Variants in WDFY2 observed in about 807,000 individuals in gnomAD.
WDFY2 encodes WD repeat and FYVE domain containing 2, also known as WD repeat and FYVE domain-containing protein 2.
In WDFY2, 36 loss-of-function variants were observed where a neutral mutation model predicts 56.4. The ratio of observed to expected loss-of-function variants is 0.64; its 90% CI spans 0.49 to 0.84. The LOEUF (loss-of-function observed/expected upper bound fraction) is 0.84, where lower values mean the gene tolerates loss of function less well. WDFY2 is among the 40% of genes least tolerant of loss of function. The pLI is 0.00. For missense variants in WDFY2, 444 were observed against 512.2 expected (o/e 0.87, Z 1.29); for synonymous variants, 176 against 183.7 (o/e 0.96, Z 0.34).
intron 3 of WDFY2, among the ~76,000 whole-genome samples, chr13:51,703,092 A>G (rs1952017078): frequency 6.6e-6 from 1 of 152,236 alleles, no homozygotes. Context: ...CTACTGTGCC[A>G]AGGTACTGTG....
intron 3 of WDFY2, among the ~76,000 whole-genome samples, chr13:51,690,327 C>A (rs1956131554): frequency 6.9e-6 from 1 of 145,190 alleles, no homozygotes; most frequent in Non-Finnish European, 1.5e-5. Context: ...GTATATCTCC[C>A]AGTGCTATCC....
At chr13:51,713,655 C>G (rs1190160176) in intron 4 of WDFY2, among the ~76,000 whole-genome samples, 2 of 151,974 alleles carry the variant, frequency 1.3e-5, no homozygotes, top group African/African-American at 4.8e-5. Context: ...GGTGGATCAC[C>G]TGAGGCCAGA....
chr13:51,702,936 T>C (rs537351727), intron 3 of WDFY2, among the ~76,000 whole-genome samples: 4 of 152,330 alleles, frequency 2.6e-5, no homozygotes, highest in African/African-American at 9.6e-5. Context: ...TATACGCAGA[T>C]GCATGGGTGA....
chr13:51,659,661 G>T (rs1373919703), intron 1 of WDFY2, among the ~76,000 whole-genome samples: 1 of 152,136 alleles, frequency 6.6e-6, no homozygotes, highest in Non-Finnish European at 1.5e-5. Flanking sequence ...TTTCCTAGGT[G>T]TCTGCCTTGT....
chr13:51,745,408 G>C (rs1349582754), intron 7 of WDFY2, among the ~76,000 whole-genome samples: 1 of 152,202 alleles, frequency 6.6e-6, no homozygotes, highest in Admixed American at 6.5e-5. Context: ...AATGGAGAAT[G>C]TGAAAATGAA....
intron 1 of WDFY2, among the ~76,000 whole-genome samples, chr13:51,647,420 G>A (rs1389428224): frequency 1.3e-5 from 2 of 152,160 alleles, no homozygotes; most frequent in African/African-American, 2.4e-5. Flanking sequence ...GAGTATGTGT[G>A]TATCTAAACA....
At chr13:51,711,539 A>G (rs190421472) in intron 4 of WDFY2, among the ~76,000 whole-genome samples, 175 of 152,398 alleles carry the variant, frequency 1.1e-3, no homozygotes, top group Admixed American at 3.7e-3. Context: ...CAATCTACCC[A>G]TCTGACAAAG....
chr13:51,588,100 G>C (rs1048570405), intron 1 of WDFY2: 7 of 152,244 alleles, frequency 4.6e-5, no homozygotes, highest in African/African-American at 1.7e-4. Flanking sequence ...TTCTGTCTTT[G>C]CTTTAGTTGT....
In WDFY2 at chr13:51,756,678, G is replaced by A. The variant is rs552767568; in HGVS notation, c.1064+216G>A. ...AAATACACTCAAAGAATTCATCTCT[G>A]TGTTCTTTCTAATTTCTAGGTTATG... On this transcript the variant is annotated intron_variant, in intron 10 of 11. Coordinates refer to ENST00000298125, the MANE Select transcript of WDFY2 (RefSeq NM_052950.4). 4 of 978,792 alleles carry A rather than the reference G, an allele frequency of 4.1e-6. No homozygotes were observed. In the South Asian group the frequency reaches 1.4e-4, roughly 35 times the overall value. 60.6% of individuals were successfully genotyped at this position (978,792 alleles called of 1,614,324 possible).
intron 6 of WDFY2, among the ~76,000 whole-genome samples, chr13:51,729,710 G>A (rs1952682879): frequency 6.6e-6 from 1 of 152,120 alleles, no homozygotes; most frequent in Non-Finnish European, 1.5e-5. Flanking sequence ...ATATGCTTAT[G>A]TTTTTTGCCT....
intron 3 of WDFY2, among the ~76,000 whole-genome samples, chr13:51,689,983 T>G (rs1281850521): frequency 6.6e-6 from 1 of 152,090 alleles, no homozygotes; most frequent in African/African-American, 2.4e-5. Flanking sequence ...AGAAGCAGGA[T>G]GGGGATCTGT....
chr13:51,717,447 C>CCT (rs1952381177), intron 4 of WDFY2, among the ~76,000 whole-genome samples: 1 of 152,012 alleles, frequency 6.6e-6, no homozygotes, highest in Non-Finnish European at 1.5e-5. Flanking sequence ...GCCTCTGCCT[C>CCT]CTCTGGCACA....
chr13:51,758,357 G>T, intron 11 of WDFY2, 57 bp downstream of exon 11: 2 of 1,318,498 alleles, frequency 1.5e-6, no homozygotes, highest in Admixed American at 3.5e-5. Context: ...AAATATACAG[G>T]AGCACCAAGA....
At chr13:51,609,766 T>C (rs1460213481) in intron 1 of WDFY2, among the ~76,000 whole-genome samples, 3 of 152,100 alleles carry the variant, frequency 2.0e-5, no homozygotes, top group Non-Finnish European at 2.9e-5. Context: ...ATTGCCTTAA[T>C]GTACTGAGAT....
At chr13:51,687,145 TAGAG>T (rs1308984520) in intron 3 of WDFY2, among the ~76,000 whole-genome samples, 1 of 150,630 alleles carries the variant, frequency 6.6e-6, no homozygotes, top group Non-Finnish European at 1.5e-5. Context: ...AGTATATTAA[TAGAG>T]AGCTATTATG....
chr13:51,649,987 G>C (rs948046230), intron 1 of WDFY2, among the ~76,000 whole-genome samples: 6 of 152,092 alleles, frequency 3.9e-5, no homozygotes, highest in Admixed American at 3.9e-4. Flanking sequence ...GGATGGCATT[G>C]AATCTATAAA....
At chr13:51,694,093 G>A (rs946442184) in intron 3 of WDFY2, among the ~76,000 whole-genome samples, 10 of 152,004 alleles carry the variant, frequency 6.6e-5, no homozygotes, top group Non-Finnish European at 1.0e-4. Flanking sequence ...ACGTGAGATG[G>A]GTTTCCTGAA....
intron 6 of WDFY2, among the ~76,000 whole-genome samples, chr13:51,731,933 A>C (rs939874393): frequency 2.0e-5 from 3 of 152,210 alleles, no homozygotes; most frequent in African/African-American, 7.2e-5. Flanking sequence ...GAATCGACCT[A>C]GTAGTCATGT....
intron 3 of WDFY2, 123 bp from the exon 4 acceptor site, chr13:51,703,473 G>T: frequency 1.4e-6 from 1 of 692,478 alleles, no homozygotes; most frequent in Non-Finnish European, 2.4e-6. Flanking sequence ...TGAGTTGATG[G>T]GCAAAATACT....
Sources: allele counts gnomAD v4.1 joint callset (sites outside exome capture counted in the v4.1 genomes callset), GRCh38; gene constraint gnomAD v4.1.1; transcripts MANE v1.5; gene names NCBI Gene and HGNC (gene_info 2026-07-23, HGNC 2026-07-21).